The following DPYD variants were observed in gnomAD, a reference collection of about 807,000 sequenced individuals.
The protein encoded by DPYD is dihydropyrimidine dehydrogenase.
DPYD carries 109 observed loss-of-function variants against 116.2 expected under a neutral mutation model. The observed-to-expected ratio is 0.94, with a 90% CI of 0.80 to 1.10. The LOEUF is 1.10. Among genes scored for constraint, DPYD ranks in the 50% least tolerant of loss-of-function variants. The probability of loss-of-function intolerance (pLI) is 0.00; values close to 1 mark genes in which losing one functional copy is unlikely to be tolerated. For synonymous variants in DPYD, 440 were observed against 432.0 expected (o/e 1.02, Z -0.23); for missense variants, 1,302 against 1,254.5 (o/e 1.04, Z -0.57).
intron 13 of DPYD, among the ~76,000 whole-genome samples, chr1:97,476,096 A>C (rs775396794): frequency 9.9e-5 from 15 of 152,184 alleles, no homozygotes; most frequent in Non-Finnish European, 2.1e-4. Flanking sequence ...TACATCAATC[A>C]GTCCCTTTCC....
At chr1:97,181,359 C>T (rs1019710587) in intron 20 of DPYD, among the ~76,000 whole-genome samples, 1 of 152,100 alleles carries the variant, frequency 6.6e-6, no homozygotes, top group Non-Finnish European at 1.5e-5. Flanking sequence ...TAATGGTTCA[C>T]GTTAAATTCA....
chr1:97,601,398 T>C (rs1345166118), intron 8 of DPYD, among the ~76,000 whole-genome samples: 1 of 152,024 alleles, frequency 6.6e-6, no homozygotes, highest in African/African-American at 2.4e-5. Flanking sequence ...TGCAAACTAA[T>C]CATAAGCCAT....
intron 12 of DPYD, among the ~76,000 whole-genome samples, chr1:97,527,499 T>C (rs970957930): frequency 6.6e-6 from 1 of 152,110 alleles, no homozygotes; most frequent in Non-Finnish European, 1.5e-5. Context: ...TACACACACA[T>C]TGAAAAATCT....
At chr1:97,567,988 C>A (rs1652649350) in intron 11 of DPYD, among the ~76,000 whole-genome samples, 1 of 151,728 alleles carries the variant, frequency 6.6e-6, no homozygotes, top group African/African-American at 2.4e-5. Flanking sequence ...GAAAATTTGG[C>A]AAAATGGAGA....
chr1:97,366,276 AT>A (rs551554703), intron 16 of DPYD, among the ~76,000 whole-genome samples: 5 of 152,066 alleles, frequency 3.3e-5, no homozygotes, highest in African/African-American at 1.2e-4. Context: ...TATAAAGCAG[AT>A]TTTTTTTGAT....
chr1:97,892,445 G>T (rs1183684087), intron 1 of DPYD, among the ~76,000 whole-genome samples: 1 of 151,570 alleles, frequency 6.6e-6, no homozygotes, highest in African/African-American at 2.4e-5. Flanking sequence ...AGGTATCTTT[G>T]GTTCTTGAAT....
At chr1:97,202,646 C>T (rs1020644251) in intron 19 of DPYD, among the ~76,000 whole-genome samples, 1 of 152,186 alleles carries the variant, frequency 6.6e-6, no homozygotes, top group African/African-American at 2.4e-5. Context: ...TTCTCTGTTG[C>T]ACTTTGTTGA....
intron 8 of DPYD, among the ~76,000 whole-genome samples, chr1:97,675,556 G>A (rs72975796): frequency 0.14 from 21,960 of 152,042 alleles, 1,754 homozygotes; most frequent in African/African-American, 0.21. Context: ...GCAATATCAT[G>A]CACTATAGTT....
intron 20 of DPYD, among the ~76,000 whole-genome samples, chr1:97,108,881 A>T (rs1415160894): frequency 2.0e-5 from 3 of 152,140 alleles, no homozygotes; most frequent in African/African-American, 7.2e-5. Flanking sequence ...CTAAAGAGGT[A>T]AGAATAAAAT....
At chr1:97,423,016 T>A (rs753444510) in intron 14 of DPYD, among the ~76,000 whole-genome samples, 17 of 151,522 alleles carry the variant, frequency 1.1e-4, no homozygotes, top group Non-Finnish European at 2.2e-4. Context: ...TACATCAAGG[T>A]CCACATGCAC....
intron 16 of DPYD, among the ~76,000 whole-genome samples, chr1:97,317,508 A>G (rs930410996): frequency 2.6e-5 from 4 of 152,156 alleles, no homozygotes; most frequent in African/African-American, 7.2e-5. Flanking sequence ...TGCAGACTTC[A>G]AGCAGCTTGG....
chr1:97,225,035 A>G (rs1464711920), intron 19 of DPYD, among the ~76,000 whole-genome samples: 3 of 150,968 alleles, frequency 2.0e-5, no homozygotes, highest in African/African-American at 4.9e-5. Flanking sequence ...CTATCTATCT[A>G]TCTATCTATC....
chr1:97,791,213 C>T (rs1667302768), intron 3 of DPYD, among the ~76,000 whole-genome samples: 1 of 152,116 alleles, frequency 6.6e-6, no homozygotes, highest in South Asian at 2.1e-4. Flanking sequence ...ATTTCCGACC[C>T]CTTCCTATCA....
In DPYD at chr1:97,487,470, G is replaced by A. The variant is rs549979756; in HGVS notation, c.1740+28256C>T. On this transcript the variant is annotated intron_variant, in intron 13 of 22. Transcript: ENST00000370192. ...GGGCGGATCACGAGGTCAGGAGATC[G>A]ACACCATCCTGGCTAACACGGTGAA... Among the ~76,000 whole-genome samples the A allele has an allele frequency of 6.6e-4, 100 of 151,946 alleles. 1 individual carries two copies. Among genetic ancestry groups the A allele is most frequent in the Admixed American group, 3.7e-3 (57 of 15,272 alleles).
At chr1:97,383,463 G>A (rs1417518966) in intron 14 of DPYD, among the ~76,000 whole-genome samples, 5 of 142,962 alleles carry the variant, frequency 3.5e-5, no homozygotes, top group South Asian at 2.2e-4. Context: ...GCAACAGAGC[G>A]AGACTCTGTC....
At chr1:97,181,505 C>G (rs1191725678) in intron 20 of DPYD, among the ~76,000 whole-genome samples, 1 of 152,100 alleles carries the variant, frequency 6.6e-6, no homozygotes, top group African/African-American at 2.4e-5. Context: ...AAAGTGAACA[C>G]TTCTCAATTA....
At chr1:97,346,689 A>C (rs1272172792) in intron 16 of DPYD, among the ~76,000 whole-genome samples, 1 of 151,818 alleles carries the variant, frequency 6.6e-6, no homozygotes, top group Non-Finnish European at 1.5e-5. Flanking sequence ...ACTAGTATTT[A>C]GTTAATAGTT....
intron 19 of DPYD, among the ~76,000 whole-genome samples, chr1:97,225,900 A>G (rs1570709870): frequency 6.6e-6 from 1 of 152,172 alleles, no homozygotes; most frequent in African/African-American, 2.4e-5. Context: ...AGCTGAGCCC[A>G]GTATTACGCT....
intron 8 of DPYD, among the ~76,000 whole-genome samples, chr1:97,615,186 C>T (rs925861445): frequency 6.6e-6 from 1 of 152,100 alleles, no homozygotes; most frequent in African/African-American, 2.4e-5. Context: ...TGTCCAACTG[C>T]TTACTGAACA....
Sources: allele counts gnomAD v4.1 joint callset (sites outside exome capture counted in the v4.1 genomes callset), GRCh38; gene constraint gnomAD v4.1.1; transcripts MANE v1.5; gene names NCBI Gene and HGNC (gene_info 2026-07-23, HGNC 2026-07-21).